Variants in GALNT9 observed in about 807,000 individuals in gnomAD.
GALNT9 encodes GalNAc transferase 9.
In GALNT9, 47 loss-of-function variants were observed where a neutral mutation model predicts 63.1. The ratio of observed to expected loss-of-function variants is 0.75; its 90% CI spans 0.59 to 0.95. GALNT9 has a LOEUF of 0.95. Among genes scored for constraint, GALNT9 ranks in the 40% least tolerant of loss-of-function variants. GALNT9 has a pLI of 0.00. For synonymous variants in GALNT9, 396 were observed against 365.7 expected (o/e 1.08, Z -0.94); for missense variants, 829 against 874.8 (o/e 0.95, Z 0.66).
intron 6 of GALNT9, among the ~76,000 whole-genome samples, chr12:132,225,727 A>G (rs1877646365): frequency 7.6e-6 from 1 of 130,988 alleles, no homozygotes; most frequent in African/African-American, 3.0e-5. Flanking sequence ...CCCCATACAC[A>G]CAACACTGTA....
At chr12:132,294,586 G>T (rs148361009) in intron 1 of GALNT9, among the ~76,000 whole-genome samples, 2,377 of 57,310 alleles carry the variant, frequency 0.041, 21 homozygotes, top group Non-Finnish European at 0.052. Context: ...GGTGCCAGCG[G>T]TCATGTAGCG....
rs1566021757 is a variant in GALNT9, at chr12:132,310,935, AG to A, written c.238+18030del. On this transcript the variant is annotated intron_variant, in intron 1 of 10. Transcript: ENST00000328957. This position sits in a 1 kb window ranked among gnomAD's most constrained non-coding sequence, Gnocchi z 4.8. ...CCCACTCTCCCTGGGCACACGGTTC[AG>A]GGCACCCGCTCTCCCTGGGCATGTG... is the stretch of plus-strand genomic sequence containing the variant. 1.3e-5 allele frequency among the ~76,000 whole-genome samples: 2 copies of A among 152,162 alleles called. No homozygotes were observed. Among genetic ancestry groups the A allele is most frequent in the Non-Finnish European group, 1.5e-5 (1 of 68,014 alleles).
chr12:132,243,497 G>A (rs1464817225), intron 6 of GALNT9, among the ~76,000 whole-genome samples: 1 of 144,614 alleles, frequency 6.9e-6, no homozygotes, highest in Non-Finnish European at 1.5e-5. Flanking sequence ...ACTCTTTGGG[G>A]AAACGAAGTT....
intron 7 of GALNT9, among the ~76,000 whole-genome samples, chr12:132,203,095 C>T (rs1053967726): frequency 6.6e-6 from 1 of 152,114 alleles, no homozygotes; most frequent in Non-Finnish European, 1.5e-5. Flanking sequence ...CATGAAACCG[C>T]CAGACAGTTG....
chr12:132,225,333 T>A (rs1475796457), intron 6 of GALNT9, among the ~76,000 whole-genome samples: 4 of 72,454 alleles, frequency 5.5e-5, no homozygotes, highest in African/African-American at 1.9e-4. Context: ...ACACTGTACA[T>A]AAACACCCCC....
intron 1 of GALNT9, among the ~76,000 whole-genome samples, chr12:132,320,918 G>A (rs1279861537): frequency 6.6e-6 from 1 of 152,232 alleles, no homozygotes; most frequent in African/African-American, 2.4e-5. Flanking sequence ...AGGTGCAGGG[G>A]TCGTGTGACC....
In GALNT9 at chr12:132,329,236, GGCATCCCCA is replaced by G. The variant is rs1555246783; in HGVS notation, c.-42_-34del. ...GCTGCAGCGGGGGCCTCACCCGCGG[GGCATCCCCA>G]GCATCCCCGCCCGGGCCTGGGCTTC... is the stretch of plus-strand genomic sequence containing the variant. On this transcript the variant is annotated 5_prime_UTR_variant, in exon 1 of 11. It removes an upstream start codon present in the reference 5' UTR. Coordinates refer to ENST00000328957, the MANE Select transcript of GALNT9 (RefSeq NM_001122636.2). 1.3e-6 allele frequency: 2 copies of G among 1,527,888 alleles called. No individual in the cohort carries two copies. Among genetic ancestry groups the G allele is most frequent in the Admixed American group, 2.0e-5 (1 of 50,408 alleles). The allele number at this position is 1,527,888 out of a possible 1,614,324, so 94.6% of individuals were successfully genotyped here.
At chr12:132,267,699 T>G (rs1385649700) in intron 2 of GALNT9, among the ~76,000 whole-genome samples, 1 of 146,254 alleles carries the variant, frequency 6.8e-6, no homozygotes, top group Non-Finnish European at 1.5e-5. Flanking sequence ...GATAAAGGAG[T>G]AAAGTGAAGA....
intron 8 of GALNT9, among the ~76,000 whole-genome samples, chr12:132,200,014 G>A (rs1470244869): frequency 6.6e-6 from 1 of 152,202 alleles, no homozygotes; most frequent in Non-Finnish European, 1.5e-5. Context: ...GCTCTGGGTT[G>A]GGGGTGCCTG....
chr12:132,201,872 GGTGTCT>G (rs1565982621), intron 7 of GALNT9, among the ~76,000 whole-genome samples: 1 of 152,128 alleles, frequency 6.6e-6, no homozygotes, highest in East Asian at 1.9e-4. Context: ...AGCCGAGTGC[GGTGTCT>G]GTGTCTTCCT....
At chr12:132,264,489 T>A (rs954610852) in intron 2 of GALNT9, among the ~76,000 whole-genome samples, 3 of 152,256 alleles carry the variant, frequency 2.0e-5, no homozygotes, top group African/African-American at 4.8e-5. Flanking sequence ...CACAGGCTTC[T>A]GCCTGCCTCT....
intron 1 of GALNT9, among the ~76,000 whole-genome samples, chr12:132,304,726 G>T (rs144350306): frequency 2.5e-4 from 1 of 3,976 alleles, no homozygotes; most frequent in African/African-American, 7.5e-4. Context: ...CAGCCTCACC[G>T]GGGCACACCC....
rs1024233206 is a variant in GALNT9, at chr12:132,225,689, C to T, written c.1078-21999G>A. On this transcript the variant is annotated intron_variant, in intron 6 of 10. Transcript: ENST00000328957. ...ACACACTCCACACACTGTACGTACA[C>T]ACCCCATACACACACTGTACGTACA... Among the ~76,000 whole-genome samples the T allele has an allele frequency of 6.4e-4, 94 of 146,846 alleles. 1 individual carries two copies. The highest frequency in any genetic ancestry group is 2.3e-3 in the African/African-American group (92 of 39,250).
Position 132,196,531 on chromosome 12 carries a change from T to G in GALNT9, c.*576A>C. On this transcript the variant is annotated 3_prime_UTR_variant, in exon 11 of 11. Transcript: ENST00000328957. ...GCTGCTGCCTAATCCTCTCTTTATT[T>G]GGTCTCTGCTGAAGCAGTCGTGCCA... 4.1e-6 allele frequency: 4 copies of G among 985,780 alleles called. No homozygotes were observed. Among genetic ancestry groups the G allele is most frequent in the Non-Finnish European group, 4.8e-6 (4 of 830,198 alleles). 61.1% of individuals were successfully genotyped at this position (985,780 alleles called of 1,614,324 possible). A position where few individuals can be genotyped will look rare whatever the true frequency, so the allele number is the denominator to read the frequency against.
At chr12:132,244,785 GTGGTGATGGGGCTGGACGGGCAGCA>G in intron 6 of GALNT9, among the ~76,000 whole-genome samples, 1 of 132,972 alleles carries the variant, frequency 7.5e-6, no homozygotes, top group Non-Finnish European at 1.6e-5. Context: ...GGACGGGGGC[GTGGTGATGGGGCTGGACGGGCAGCA>G]TGGTGATGGA....
Position 132,241,252 on chromosome 12 carries a change from G to A in GALNT9, c.1077+6658C>T, listed in dbSNP as rs2136901069. On this transcript the variant is annotated intron_variant, in intron 6 of 10. Transcript: ENST00000328957. The stretch of plus-strand genomic sequence containing the variant: ...CCCTCCCTATACCCATTACACACAC[G>A]CCACACCCCCTTCCCGGGGCCCTCC... Among the ~76,000 whole-genome samples the A allele has an allele frequency of 2.2e-3, 31 of 14,308 alleles. No homozygotes were observed. The South Asian group carries it at 0.025, about 11-fold the overall frequency. The allele number at this position is 14,308 out of a possible 152,430, so 9.4% of individuals were successfully genotyped here.
intron 6 of GALNT9, among the ~76,000 whole-genome samples, chr12:132,219,751 GGGACACCTCCCCA>G: frequency 8.2e-6 from 1 of 122,368 alleles, no homozygotes; most frequent in East Asian, 2.5e-4. Context: ...GTAAGGGGAA[GGGACACCTCCCCA>G]GGGTGACACC....
intron 1 of GALNT9, among the ~76,000 whole-genome samples, chr12:132,301,423 G>A (rs1881291975): frequency 6.6e-6 from 1 of 152,240 alleles, no homozygotes; most frequent in South Asian, 2.1e-4. Context: ...TGGTCCATAC[G>A]AGAACCACAC....
intron 9 of GALNT9, among the ~76,000 whole-genome samples, chr12:132,198,241 A>G (rs1875690341): frequency 6.6e-6 from 1 of 152,228 alleles, no homozygotes; most frequent in African/African-American, 2.4e-5. Context: ...TGTGGCTCAG[A>G]CCCAGAGCGC....
Sources: allele counts gnomAD v4.1 joint callset (sites outside exome capture counted in the v4.1 genomes callset), GRCh38; gene constraint gnomAD v4.1.1; non-coding constraint Gnocchi (gnomAD v3.1); transcripts MANE v1.5; gene names NCBI Gene and HGNC (gene_info 2026-07-23, HGNC 2026-07-21).